The following ARHGEF10L variants were observed in gnomAD, a reference collection of about 807,000 sequenced individuals.
The protein encoded by ARHGEF10L is Rho guanine nucleotide exchange factor 10 like.
A neutral mutation model predicts 141.2 loss-of-function variants in ARHGEF10L; 69 were observed. That is an observed-to-expected ratio of 0.49 (90% CI 0.40 to 0.60). The LOEUF (loss-of-function observed/expected upper bound fraction) is 0.60, where lower values mean the gene tolerates loss of function less well. Ranked by LOEUF, ARHGEF10L falls within the 20% of genes least tolerant of loss-of-function variation. ARHGEF10L has a pLI of 0.00. For synonymous variants in ARHGEF10L, 711 were observed against 718.5 expected (o/e 0.99, Z 0.17); for missense variants, 1,482 against 1,734.3 (o/e 0.85, Z 2.58).
chr1:17,670,311 C>T (rs1289912206), intron 26 of ARHGEF10L, among the ~76,000 whole-genome samples: 1 of 152,248 alleles, frequency 6.6e-6, no homozygotes, highest in Non-Finnish European at 1.5e-5. Flanking sequence ...TGCCCACCAA[C>T]TGCTTGTTCA....
chr1:17,577,421 G>T (rs2078268015), intron 1 of ARHGEF10L, among the ~76,000 whole-genome samples: 1 of 152,198 alleles, frequency 6.6e-6, no homozygotes, highest in Non-Finnish European at 1.5e-5. Flanking sequence ...CTCATCCAAG[G>T]TCTCATAGCT....
chr1:17,530,812 C>G, the ARHGEF10L span, among the ~76,000 whole-genome samples: 16 of 151,938 alleles, frequency 1.1e-4, no homozygotes. Context: ...GTTAGGAGTT[C>G]GAAACCAGCC....
At chr1:17,594,148 C>T (rs2079853637) in intron 4 of ARHGEF10L, among the ~76,000 whole-genome samples, 1 of 151,712 alleles carries the variant, frequency 6.6e-6, no homozygotes, top group African/African-American at 2.4e-5. Flanking sequence ...TCATAATGGC[C>T]TGAATGTACC....
rs2065557680 is a variant in ARHGEF10L at position 17,697,045 on chromosome 1, A to C, written c.3505A>C (p.Lys1169Gln). The change falls in exon 29 of 29, where the codon AAG (lysine) becomes CAG (glutamine). Residue 1169 changes from lysine to glutamine, a missense_variant. Lys to Gln is a moderately conservative substitution (Grantham distance 53). Coordinates refer to ENST00000361221, the MANE Select transcript of ARHGEF10L (RefSeq NM_018125.4). This position sits in a 1 kb window ranked among gnomAD's most constrained non-coding sequence, Gnocchi z 4.8. Reference protein sequence around the residue: ...SHVGRELTRKKGILLQYRLRS... With the variant: ...SHVGRELTRKQGILLQYRLRS... ...CGTGGGCCGAGAGCTGACCCGCAAG[A>C]AGGGCATCCTCTTGCAGTACCGCCT... 1.2e-6 allele frequency: 2 copies of C among 1,604,414 alleles called. No individual in the cohort carries two copies. Among genetic ancestry groups the C allele is most frequent in the Non-Finnish European group, 1.7e-6 (2 of 1,174,802 alleles).
rs2059965934 is a variant in ARHGEF10L at position 17,619,062 on chromosome 1, C to T, written c.836-277C>T. 6.6e-6 allele frequency among the ~76,000 whole-genome samples: 1 copy of T among 152,210 alleles called. No homozygotes were observed. Among genetic ancestry groups the T allele is most frequent in the Non-Finnish European group, 1.5e-5 (1 of 68,034 alleles). ...TTCTGGCAGCATGGACGCCGAGAAC[C>T]CAGGCCCCACAGGACGCAGCTTTGA... is the stretch of plus-strand genomic sequence containing the variant. On this transcript the variant is annotated intron_variant, in intron 9 of 28. Transcript: ENST00000361221. This position sits in a 1 kb window ranked among gnomAD's most constrained non-coding sequence, Gnocchi z 5.0.
At chr1:17,514,293 G>A in the ARHGEF10L span, among the ~76,000 whole-genome samples, 1 of 150,948 alleles carries the variant, frequency 6.6e-6, no homozygotes, top group African/African-American at 2.4e-5. Context: ...CTGCCACCAC[G>A]CCCAGCTAAT....
chr1:17,580,460 C>A, intron 1 of ARHGEF10L, 93 bp from the exon 2 acceptor site: 1 of 1,134,284 alleles, frequency 8.8e-7, no homozygotes. Flanking sequence ...AGCCACTGGG[C>A]TGAAGCACAG....
At chr1:17,562,611 G>C (rs2077585869) in intron 1 of ARHGEF10L, among the ~76,000 whole-genome samples, 1 of 152,252 alleles carries the variant, frequency 6.6e-6, no homozygotes, top group South Asian at 2.1e-4. Context: ...GTGAATCATT[G>C]TCACTTTGAT....
At chr1:17,532,446 C>A in the ARHGEF10L span, among the ~76,000 whole-genome samples, 1 of 152,280 alleles carries the variant, frequency 6.6e-6, no homozygotes, top group Non-Finnish European at 1.5e-5. Context: ...GAGGAGGCTG[C>A]AGATACCCCT....
At chr1:17,583,947 G>A (rs918089860) in intron 2 of ARHGEF10L, among the ~76,000 whole-genome samples, 1 of 152,160 alleles carries the variant, frequency 6.6e-6, no homozygotes, top group African/African-American at 2.4e-5. Context: ...AAATTCCTGG[G>A]CTCAAGCCAT....
rs114451527 is a variant in ARHGEF10L at position 17,621,704 on chromosome 1, G to A, written c.943-160G>A. On this transcript the variant is annotated intron_variant, in intron 10 of 28. Coordinates refer to ENST00000361221, the MANE Select transcript of ARHGEF10L (RefSeq NM_018125.4). The surrounding 1 kb of genome is among the most constrained non-coding windows in gnomAD (Gnocchi z 4.1). ...GCAGGGCATTTATTTAGGGTTGGCAGGGGCTCTGGAAGGAAGAGTGGCCAC... is the reference window on the plus strand; with the variant it reads ...GCAGGGCATTTATTTAGGGTTGGCAAGGGCTCTGGAAGGAAGAGTGGCCAC... Among the ~76,000 whole-genome samples, 3,840 of 152,282 alleles carry A rather than the reference G, an allele frequency of 0.025. 61 individuals are homozygous for A. The highest frequency in any genetic ancestry group is 0.063 in the South Asian group (304 of 4,816).
At chr1:17,648,775 G>A in intron 22 of ARHGEF10L, 100 bp downstream of exon 22, 1 of 1,481,946 alleles carries the variant, frequency 6.7e-7, no homozygotes, top group South Asian at 1.3e-5. Context: ...CAGCAGGGAA[G>A]GCTCAGGTTC....
At chr1:17,539,566 G>A (rs1398575302), upstream of ARHGEF10L, among the ~76,000 whole-genome samples, 1 of 151,876 alleles carries the variant, frequency 6.6e-6, no homozygotes, top group African/African-American at 2.4e-5. The surrounding 1 kb of genome is among the most constrained non-coding windows in gnomAD (Gnocchi z 6.0). Flanking sequence ...GCAGCGGGTC[G>A]GGGGAGGCCA....
Position 17,640,428 on chromosome 1 carries a change from G to A in ARHGEF10L, c.2272+126G>A. ...GGGCAGGGAGGCTTCTGAGTGGGAG[G>A]GAGGTGGTGCGGTGGAGAAACAGCT... On this transcript the variant is annotated intron_variant, in intron 21 of 28. Transcript: ENST00000361221. 7 of 782,508 alleles carry A rather than the reference G, an allele frequency of 8.9e-6. No individual in the cohort carries two copies. The South Asian group carries it at 9.3e-5, about 10-fold the overall frequency. The allele number at this position is 782,508 out of a possible 1,614,324, so 48.5% of individuals were successfully genotyped here. A position where few individuals can be genotyped will look rare whatever the true frequency, so the allele number is the denominator to read the frequency against.
chr1:17,525,159 A>T, the ARHGEF10L span, among the ~76,000 whole-genome samples: 1 of 152,162 alleles, frequency 6.6e-6, no homozygotes, highest in African/African-American at 2.4e-5. Flanking sequence ...TACTGTAGAG[A>T]CATCCAATAC....
At position 17,697,040 on chromosome 1, in the gene ARHGEF10L, G is replaced by A. The variant is rs763490533; in HGVS notation, c.3500G>A (p.Arg1167His). The A allele has an allele frequency of 1.0e-5, 16 of 1,603,336 alleles. No individual in the cohort carries two copies. The Admixed American group carries it at 1.2e-4, about 12-fold the overall frequency. Residue 1167 changes from arginine (R) to histidine (H), a missense_variant, in exon 29 of 29, where the codon CGC becomes CAC. Transcript: ENST00000361221. The surrounding 1 kb of genome is among the most constrained non-coding windows in gnomAD (Gnocchi z 4.8). ...PDSHVGRELT[R>H]KKGILLQYRL... ...AGCCACGTGGGCCGAGAGCTGACCC[G>A]CAAGAAGGGCATCCTCTTGCAGTAC... is the stretch of plus-strand genomic sequence containing the variant.
At chr1:17,598,262 T>A (rs986307915) in intron 4 of ARHGEF10L, among the ~76,000 whole-genome samples, 2 of 152,138 alleles carry the variant, frequency 1.3e-5, no homozygotes, top group African/African-American at 4.8e-5. Flanking sequence ...CCACCATGCC[T>A]GGCTAATTTT....
At chr1:17,552,562 C>A in intron 1 of ARHGEF10L, among the ~76,000 whole-genome samples, 1 of 122,698 alleles carries the variant, frequency 8.2e-6, no homozygotes, top group Non-Finnish European at 1.6e-5. Context: ...CCACAGCTGG[C>A]TAATTTTCGT....
At chr1:17,524,324 A>G in the ARHGEF10L span, among the ~76,000 whole-genome samples, 1 of 149,446 alleles carries the variant, frequency 6.7e-6, no homozygotes, top group African/African-American at 2.5e-5. Context: ...AAAAAGAAAG[A>G]CCTTGGATCA....
Sources: allele counts gnomAD v4.1 joint callset (sites outside exome capture counted in the v4.1 genomes callset), GRCh38; gene constraint gnomAD v4.1.1; non-coding constraint Gnocchi (gnomAD v3.1); transcripts MANE v1.5; gene names NCBI Gene and HGNC (gene_info 2026-07-23, HGNC 2026-07-21).